Variants in CFTR observed in about 807,000 individuals in gnomAD.
CFTR encodes the protein cystic fibrosis transmembrane conductance regulator.
In CFTR, 181 loss-of-function variants were observed where a neutral mutation model predicts 171.6. The observed-to-expected ratio is 1.05, with a 90% CI of 0.93 to 1.19. CFTR has a LOEUF of 1.19. Among genes scored for constraint, CFTR ranks in the 50% most tolerant of loss-of-function variants. The pLI is 0.00. For missense variants in CFTR, 1,968 were observed against 1,734.7 expected, an observed-to-expected ratio of 1.13 and a Z score of -2.39; for synonymous variants, 583 against 608.0, an observed-to-expected ratio of 0.96 and a Z score of 0.60.
At chr7:117,569,915 G>A (rs139492713) in intron 11 of CFTR, among the ~76,000 whole-genome samples, 97 of 152,198 alleles carry the variant, frequency 6.4e-4, no homozygotes, top group Non-Finnish European at 1.1e-3. Context: ...TTGTACTCTC[G>A]TGTAACTTAC....
intron 9 of CFTR, among the ~76,000 whole-genome samples, chr7:117,546,594 CA>C (rs1266538098): frequency 6.6e-6 from 1 of 151,870 alleles, no homozygotes. Flanking sequence ...CTGTGTTTTC[CA>C]AATTTCTTGA....
chr7:117,555,742 C>T (rs1304708926), intron 10 of CFTR, among the ~76,000 whole-genome samples: 1 of 152,122 alleles, frequency 6.6e-6, no homozygotes, highest in East Asian at 1.9e-4. Context: ...ACTGTTGTAA[C>T]AAAAGAAAAG....
chr7:117,522,978 T>A (rs1451592645), intron 3 of CFTR, among the ~76,000 whole-genome samples: 1 of 152,160 alleles, frequency 6.6e-6, no homozygotes, highest in Admixed American at 6.5e-5. Context: ...CAGCTCCATG[T>A]GGTGGTGAGG....
intron 11 of CFTR, among the ~76,000 whole-genome samples, chr7:117,576,418 A>G (rs1019529912): frequency 2.6e-5 from 4 of 152,156 alleles, no homozygotes; most frequent in Non-Finnish European, 5.9e-5. Flanking sequence ...GATTTAAAGT[A>G]TACAGGAAGA....
intron 3 of CFTR, among the ~76,000 whole-genome samples, chr7:117,524,261 G>C (rs1798735362): frequency 6.6e-6 from 1 of 151,966 alleles, no homozygotes. Flanking sequence ...GGTATGCATG[G>C]TAAATAATGC....
At chr7:117,606,616 T>C in intron 17 of CFTR, 58 bp from the exon 18 acceptor site, 1 of 902,788 alleles carries the variant, frequency 1.1e-6, no homozygotes, top group Non-Finnish European at 1.9e-6. Flanking sequence ...TTGAATATAT[T>C]GATATATCTT....
intron 3 of CFTR, among the ~76,000 whole-genome samples, chr7:117,516,293 A>G (rs1263529044): frequency 6.6e-6 from 1 of 151,968 alleles, no homozygotes; most frequent in Non-Finnish European, 1.5e-5. Context: ...AACTTATTTT[A>G]TGATCTTAAG....
chr7:117,502,261 T>C (rs1005267136), intron 1 of CFTR, among the ~76,000 whole-genome samples: 3 of 152,230 alleles, frequency 2.0e-5, no homozygotes, highest in Admixed American at 2.0e-4. Context: ...CAAAAGAATG[T>C]GGAAAGACCT....
At chr7:117,648,683 C>A (rs1051302835) in intron 23 of CFTR, among the ~76,000 whole-genome samples, 3 of 152,090 alleles carry the variant, frequency 2.0e-5, no homozygotes, top group Non-Finnish European at 2.9e-5. Flanking sequence ...TTGACTGTTT[C>A]ATTTGTAAAC....
intron 5 of CFTR, among the ~76,000 whole-genome samples, chr7:117,534,649 T>C (rs1488590006): frequency 2.0e-5 from 3 of 152,232 alleles, no homozygotes; most frequent in African/African-American, 4.8e-5. Flanking sequence ...AAATCTGTTA[T>C]GTACTTTGGC....
intron 2 of CFTR, among the ~76,000 whole-genome samples, chr7:117,507,760 GCTGTGTATTACTC>G (rs1479132302): frequency 6.6e-6 from 1 of 152,152 alleles, no homozygotes; most frequent in Non-Finnish European, 1.5e-5. Flanking sequence ...TCAAATCTCA[GCTGTGTATTACTC>G]CTTTATGTTT....
chr7:117,535,116 T>A, intron 5 of CFTR, 132 bp from the exon 6 acceptor site: 1 of 907,138 alleles, frequency 1.1e-6, no homozygotes, highest in East Asian at 2.4e-5. Context: ...TACCTAGATT[T>A]TAGTGTGCTC....
At position 117,606,114 on chromosome 7, in the gene CFTR, G is replaced by A. The variant is rs150965043; in HGVS notation, c.2909-560G>A. The stretch of plus-strand genomic sequence containing the variant: ...TTGTCAACCTTACAAATGTGAATCC[G>A]TGATTCAGATGACAGGTTGAAATGT... On this transcript the variant is annotated intron_variant, in intron 17 of 26. Coordinates refer to ENST00000003084, the MANE Select transcript of CFTR (RefSeq NM_000492.4). 7.5e-4 allele frequency among the ~76,000 whole-genome samples: 114 copies of A among 152,206 alleles called. 1 individual carries two copies. Among genetic ancestry groups the A allele is most frequent in the African/African-American group, 2.4e-3 (99 of 41,520 alleles).
chr7:117,509,688 C>T (rs1798484693), intron 3 of CFTR, among the ~76,000 whole-genome samples: 1 of 152,130 alleles, frequency 6.6e-6, no homozygotes. Flanking sequence ...TACATCTCAT[C>T]AGTGTGAAAA....
rs763784243 is a variant in CFTR, at chr7:117,501,330, A to G, written c.54-2923A>G. 3.0e-4 allele frequency among the ~76,000 whole-genome samples: 46 copies of G among 152,260 alleles called. 1 individual carries two copies. Among genetic ancestry groups the G allele is most frequent in the South Asian group, 2.9e-3 (14 of 4,822 alleles). On this transcript the variant is annotated intron_variant, in intron 1 of 26. Coordinates refer to ENST00000003084, the MANE Select transcript of CFTR (RefSeq NM_000492.4). Reference sequence around the variant, plus strand: ...TGATCTGCTGCACTTAGCTCTTTCCAGCTGAGCTGATTTTTAAATTTTCAG... The same window carrying G: ...TGATCTGCTGCACTTAGCTCTTTCCGGCTGAGCTGATTTTTAAATTTTCAG...
chr7:117,519,271 A>G (rs1438246768), intron 3 of CFTR, among the ~76,000 whole-genome samples: 1 of 152,120 alleles, frequency 6.6e-6, no homozygotes, highest in African/African-American at 2.4e-5. Context: ...ATTAAGCGTG[A>G]ATATGTTTTT....
chr7:117,548,586 A>G, intron 9 of CFTR, 55 bp from the exon 10 acceptor site: 1 of 1,582,444 alleles, frequency 6.3e-7, no homozygotes, highest in Non-Finnish European at 8.6e-7. Flanking sequence ...AATATCTGAC[A>G]AACTCATCTT....
chr7:117,517,130 C>T (rs1011048250), intron 3 of CFTR, among the ~76,000 whole-genome samples: 3 of 151,960 alleles, frequency 2.0e-5, no homozygotes, highest in Non-Finnish European at 2.9e-5. Flanking sequence ...ATCTAGATGG[C>T]GATTGCAATG....
chr7:117,565,771 C>A, intron 11 of CFTR, among the ~76,000 whole-genome samples: 1 of 151,688 alleles, frequency 6.6e-6, no homozygotes, highest in East Asian at 1.9e-4. Context: ...CATATTTAAG[C>A]CACTAGAAGA....
Sources: gnomAD v4.1 joint callset for allele counts (sites outside exome capture counted in the v4.1 genomes callset) on GRCh38, gnomAD v4.1.1 for gene constraint, MANE v1.5 for transcripts, NCBI Gene and HGNC (gene_info 2026-07-23, HGNC 2026-07-21) for gene names.